The following PSPC1 variants were observed in gnomAD, a reference collection of about 807,000 sequenced individuals.
The protein encoded by PSPC1 is paraspeckle protein 1.
A neutral mutation model predicts 51.6 loss-of-function variants in PSPC1; 14 were observed. The ratio of observed to expected loss-of-function variants is 0.27; its 90% CI spans 0.18 to 0.42. The LOEUF is 0.42. Among genes scored for constraint, PSPC1 ranks in the 10% least tolerant of loss-of-function variants. PSPC1 has a pLI of 1.00. For missense variants in PSPC1, 406 were observed against 701.1 expected (o/e 0.58, Z 4.75); for synonymous variants, 193 against 231.9 (o/e 0.83, Z 1.53).
At chr13:19,732,926 CA>C (rs34848375) in intron 5 of PSPC1, among the ~76,000 whole-genome samples, 2 of 142,846 alleles carry the variant, frequency 1.4e-5, no homozygotes, top group African/African-American at 2.7e-5. Context: ...GACTCCATCT[CA>C]AAAAAAAAAG....
chr13:19,730,461 C>A (rs55858933), intron 5 of PSPC1, 117 bp from the exon 6 acceptor site: 1 of 846,756 alleles, frequency 1.2e-6, no homozygotes, highest in Non-Finnish European at 1.9e-6. Flanking sequence ...CCTGTAATCA[C>A]GACTGACCAC....
intron 6 of PSPC1, chr13:19,679,024 G>A (rs888963977): frequency 1.3e-5 from 2 of 152,226 alleles, no homozygotes; most frequent in African/African-American, 4.8e-5. Context: ...AAAGTGCTAG[G>A]AATACAGGTG....
intron 6 of PSPC1, among the ~76,000 whole-genome samples, chr13:19,714,286 T>C (rs978859872): frequency 5.3e-5 from 8 of 152,216 alleles, no homozygotes; most frequent in Non-Finnish European, 7.4e-5. Flanking sequence ...ACACTATAAT[T>C]ATTGGCTTGA....
At chr13:19,730,033 A>C (rs1883853322) in intron 6 of PSPC1, among the ~76,000 whole-genome samples, 1 of 152,216 alleles carries the variant, frequency 6.6e-6, no homozygotes, top group Non-Finnish European at 1.5e-5. Flanking sequence ...AAAATATAAC[A>C]TCCACTTCAT....
At chr13:19,691,591 G>C (rs1338230361) in intron 6 of PSPC1, among the ~76,000 whole-genome samples, 1 of 151,886 alleles carries the variant, frequency 6.6e-6, no homozygotes, top group Non-Finnish European at 1.5e-5. Flanking sequence ...GAAAAGACTT[G>C]ATGGGAAACT....
chr13:19,705,925 A>G (rs202215993), intron 7 of PSPC1, 94 bp from the exon 8 acceptor site: 11,475 of 909,940 alleles, frequency 0.013, 20 homozygotes, highest in Middle Eastern at 0.014. Context: ...TACCAAGACC[A>G]TTATCAAAAT....
chr13:19,707,902 C>T (rs1202235669), intron 7 of PSPC1, among the ~76,000 whole-genome samples: 1 of 151,744 alleles, frequency 6.6e-6, no homozygotes, highest in Non-Finnish European at 1.5e-5. Flanking sequence ...TATTAAATAG[C>T]ACCCCAGCAT....
chr13:19,671,625 GTCTC>G (rs1876132414), downstream of PSPC1, among the ~76,000 whole-genome samples: 1 of 152,170 alleles, frequency 6.6e-6, no homozygotes, highest in Non-Finnish European at 1.5e-5. Context: ...GGACAAAATA[GTCTC>G]TCTAATAAAA....
At chr13:19,780,663 A>T (rs1052099550) in intron 1 of PSPC1, among the ~76,000 whole-genome samples, 3 of 134,648 alleles carry the variant, frequency 2.2e-5, no homozygotes, top group Non-Finnish European at 4.8e-5. Flanking sequence ...AATCAGGGAC[A>T]CAAACACTGC....
intron 2 of PSPC1, among the ~76,000 whole-genome samples, chr13:19,760,539 A>G (rs1441703676): frequency 6.6e-6 from 1 of 151,824 alleles, no homozygotes; most frequent in Admixed American, 6.6e-5. Flanking sequence ...AAAAAAAAAA[A>G]AAAAGTTAAA....
chr13:19,769,258 A>G (rs1384672178), intron 2 of PSPC1, among the ~76,000 whole-genome samples: 1 of 151,218 alleles, frequency 6.6e-6, no homozygotes, highest in Non-Finnish European at 1.5e-5. Context: ...ACCAACACGT[A>G]GAAACCCCGT....
chr13:19,710,046 G>A (rs1218681393), intron 6 of PSPC1, among the ~76,000 whole-genome samples: 2 of 152,082 alleles, frequency 1.3e-5, no homozygotes, highest in African/African-American at 2.4e-5. Flanking sequence ...AACACAAATA[G>A]CTTTAGGGAA....
At position 19,758,603 on chromosome 13, in the gene PSPC1, C is replaced by T. The variant is rs146257205; in HGVS notation, c.770+720G>A. Among the ~76,000 whole-genome samples the T allele has an allele frequency of 8.4e-3, 1,279 of 151,846 alleles. 17 individuals are homozygous for T. Among genetic ancestry groups the T allele is most frequent in the African/African-American group, 0.03 (1,225 of 41,384 alleles). On this transcript the variant is annotated intron_variant, in intron 3 of 8. Coordinates refer to ENST00000338910, the MANE Select transcript of PSPC1 (RefSeq NM_001354909.2). Reference sequence around the variant, plus strand: ...ATCCTAGCACTTTGGGAGGCCTAGGCGGGTAGATCACCTGAGATCAGGAGT... The same window carrying T: ...ATCCTAGCACTTTGGGAGGCCTAGGTGGGTAGATCACCTGAGATCAGGAGT...
chr13:19,773,918 A>C (rs948668227), intron 1 of PSPC1, among the ~76,000 whole-genome samples: 1 of 152,088 alleles, frequency 6.6e-6, no homozygotes, highest in Non-Finnish European at 1.5e-5. Flanking sequence ...TTAGCCTCCC[A>C]AAGTGTAAGA....
intron 6 of PSPC1, among the ~76,000 whole-genome samples, chr13:19,728,622 G>T (rs1198725889): frequency 3.3e-5 from 5 of 152,140 alleles, no homozygotes; most frequent in African/African-American, 1.2e-4. Context: ...AAATATTTGA[G>T]ATAGGTAGAG....
intron 4 of PSPC1, among the ~76,000 whole-genome samples, chr13:19,743,274 G>C (rs1885618738): frequency 6.6e-6 from 1 of 152,126 alleles, no homozygotes; most frequent in Admixed American, 6.6e-5. Flanking sequence ...TATCTGAAAT[G>C]TCTAAAGTGA....
intron 2 of PSPC1, among the ~76,000 whole-genome samples, chr13:19,764,682 TA>T (rs68143550): frequency 2.4e-4 from 19 of 78,280 alleles, no homozygotes; most frequent in Middle Eastern, 0.014. Flanking sequence ...GAACTTGCCT[TA>T]AAAAAAAAAA....
chr13:19,744,889 TC>T (rs1885804782), intron 4 of PSPC1, among the ~76,000 whole-genome samples: 1 of 152,146 alleles, frequency 6.6e-6, no homozygotes, highest in South Asian at 2.1e-4. Flanking sequence ...TATCTTTTGA[TC>T]CAGGAAATTA....
At chr13:19,688,732 C>T (rs1322343213) in intron 6 of PSPC1, among the ~76,000 whole-genome samples, 2 of 152,184 alleles carry the variant, frequency 1.3e-5, no homozygotes, top group Non-Finnish European at 2.9e-5. Flanking sequence ...TATTCCTAAT[C>T]TATGACTCGA....
Sources: allele counts gnomAD v4.1 joint callset (sites outside exome capture counted in the v4.1 genomes callset), GRCh38; gene constraint gnomAD v4.1.1; transcripts MANE v1.5; gene names NCBI Gene and HGNC (gene_info 2026-07-23, HGNC 2026-07-21).